OTOA: variants seen among roughly 807,000 people sequenced by gnomAD.
OTOA encodes the protein otoancorin.
A neutral mutation model predicts 110.8 loss-of-function variants in OTOA; 70 were observed. The ratio of observed to expected loss-of-function variants is 0.63; its 90% CI spans 0.52 to 0.77. OTOA has a LOEUF of 0.77. OTOA is among the 30% of genes least tolerant of loss of function. OTOA has a pLI of 0.00. For missense variants in OTOA, 917 were observed against 1,075.8 expected (o/e 0.85, Z 2.06); for synonymous variants, 373 against 431.5 (o/e 0.86, Z 1.68).
rs191530356 is a variant in OTOA, at chr16:21,716,779, A to G, written c.1489-128A>G. The G allele has an allele frequency of 4.8e-6, 5 of 1,052,406 alleles. No individual in the cohort carries two copies. The Admixed American group carries it at 8.7e-5, about 18-fold the overall frequency. The allele number at this position is 1,052,406 out of a possible 1,614,324, so 65.2% of individuals were successfully genotyped here. On this transcript the variant is annotated intron_variant, in intron 14 of 28. Transcript: ENST00000646100. The stretch of plus-strand genomic sequence containing the variant: ...TCACCTGTGAAATGGGGATGATGCT[A>G]CTCTCCACTTCCTAGGGTTGCTGAG...
chr16:21,682,685 T>C (rs182112735), intron 6 of OTOA, among the ~76,000 whole-genome samples: 2 of 152,220 alleles, frequency 1.3e-5, no homozygotes, highest in Admixed American at 1.3e-4. Context: ...ACACAGAAAA[T>C]TGGAGAAAAA....
chr16:21,685,886 C>T (rs550231190), intron 7 of OTOA, among the ~76,000 whole-genome samples: 10 of 152,038 alleles, frequency 6.6e-5, no homozygotes, highest in Non-Finnish European at 1.3e-4. Flanking sequence ...TAAGAAATGA[C>T]GGGTCCTAAT....
At position 21,743,780 on chromosome 16, in the gene OTOA, T is replaced by C. The variant is rs1387090503; in HGVS notation, c.2620-1101T>C. Among the ~76,000 whole-genome samples, 233 of 116,846 alleles carry C rather than the reference T, an allele frequency of 2.0e-3. 1 individual carries two copies. The highest frequency in any genetic ancestry group is 0.014 in the Middle Eastern group (3 of 210). 76.7% of individuals were successfully genotyped at this position (116,846 alleles called of 152,430 possible). A position where few individuals can be genotyped will look rare whatever the true frequency, so the allele number is the denominator to read the frequency against. ...AATTTTTCTTTTGTGAATTCCTTGT[T>C]GATGTCTTTTGTCTATCTTTTTTTT... is the stretch of plus-strand genomic sequence containing the variant. On this transcript the variant is annotated intron_variant, in intron 23 of 28. Transcript: ENST00000646100.
intron 15 of OTOA, 90 bp from the exon 16 acceptor site, chr16:21,719,043 G>A: frequency 7.8e-7 from 1 of 1,277,862 alleles, no homozygotes; most frequent in Non-Finnish European, 1.1e-6. Flanking sequence ...CTGTAAAATG[G>A]GATTGTGGAA....
chr16:21,695,395 T>A (rs1897912593), intron 9 of OTOA, among the ~76,000 whole-genome samples: 1 of 151,794 alleles, frequency 6.6e-6, no homozygotes, highest in Non-Finnish European at 1.5e-5. Flanking sequence ...AATCCCAAGC[T>A]TGGGGATGAT....
chr16:21,713,861 C>A (rs571235690), intron 13 of OTOA, among the ~76,000 whole-genome samples: 1 of 152,278 alleles, frequency 6.6e-6, no homozygotes, highest in East Asian at 1.9e-4. Flanking sequence ...TTGACTGGGG[C>A]TCCATGGGTC....
At chr16:21,689,300 C>T (rs993713623) in intron 8 of OTOA, among the ~76,000 whole-genome samples, 10 of 152,076 alleles carry the variant, frequency 6.6e-5, no homozygotes, top group African/African-American at 2.4e-4. Context: ...GTATGCTGAC[C>T]TCATCGTTTC....
intron 1 of OTOA, among the ~76,000 whole-genome samples, chr16:21,670,725 A>T (rs1271252116): frequency 6.6e-6 from 1 of 152,182 alleles, no homozygotes; most frequent in Non-Finnish European, 1.5e-5. Context: ...CACAAACATA[A>T]ATATGTATTA....
intron 22 of OTOA, 74 bp downstream of exon 22, chr16:21,736,464 G>A: frequency 6.5e-7 from 1 of 1,547,992 alleles, no homozygotes; most frequent in Non-Finnish European, 8.9e-7. Flanking sequence ...CTGACATCAA[G>A]AGGCCTCCTT....
In OTOA at chr16:21,736,379, A is replaced by T; in HGVS notation, c.2420A>T (p.Asp807Val). The T allele has an allele frequency of 6.2e-7, 1 of 1,614,122 alleles. No individual in the cohort carries two copies. Among genetic ancestry groups the T allele is most frequent in the Non-Finnish European group, 8.5e-7 (1 of 1,180,014 alleles). ...RNSSDKIPSY[D>V]PMPGCHGVVA... is the part of the protein sequence containing the mutation. Reference sequence around the variant, plus strand: ...AGCAGTGATAAGATCCCCAGCTATGACCCTATGCCTGGTGAGTGTTTTCAG... The same window carrying T: ...AGCAGTGATAAGATCCCCAGCTATGTCCCTATGCCTGGTGAGTGTTTTCAG... Residue 807 changes from aspartate (D) to valine (V), a missense_variant, in exon 22 of 29, where the codon GAC becomes GTC. Physicochemically the swap from Asp to Val is radical, Grantham distance 152. Transcript: ENST00000646100.
intron 5 of OTOA, among the ~76,000 whole-genome samples, chr16:21,680,184 TATCCATCCATCC>T (rs60446298): frequency 6.7e-6 from 1 of 150,060 alleles, no homozygotes; most frequent in South Asian, 2.1e-4. Context: ...TTTATTAATT[TATCCATCCATCC>T]ATCCATCCAT....
intron 9 of OTOA, among the ~76,000 whole-genome samples, chr16:21,695,685 G>A (rs1179004111): frequency 1.3e-5 from 2 of 151,322 alleles, no homozygotes; most frequent in South Asian, 2.1e-4. Context: ...CATTGCCCAC[G>A]GCTTCTGCAA....
chr16:21,713,200 A>G (rs1353086634), intron 13 of OTOA, among the ~76,000 whole-genome samples: 27 of 152,180 alleles, frequency 1.8e-4, no homozygotes. Flanking sequence ...CCTGGGCTCA[A>G]GCAATCTACT....
chr16:21,688,375 T>C (rs1897761699), intron 8 of OTOA, among the ~76,000 whole-genome samples: 1 of 151,342 alleles, frequency 6.6e-6, no homozygotes, highest in Admixed American at 6.6e-5. Context: ...GGCGACAGAG[T>C]GAGACTCCAT....
intron 20 of OTOA, 87 bp from the exon 21 acceptor site, chr16:21,730,750 C>A (rs1899089311): frequency 4.2e-6 from 4 of 960,900 alleles, no homozygotes; most frequent in South Asian, 2.7e-5. Flanking sequence ...ACAATCTATT[C>A]CTGAAAGAAA....
chr16:21,759,477 T>C (rs1192817338), intron 28 of OTOA, among the ~76,000 whole-genome samples: 2 of 151,880 alleles, frequency 1.3e-5, no homozygotes, highest in East Asian at 1.9e-4. Flanking sequence ...TTTCTATTTT[T>C]TTTTTTTTTT....
intron 17 of OTOA, among the ~76,000 whole-genome samples, chr16:21,721,948 G>A (rs1386996752): frequency 6.6e-6 from 1 of 151,686 alleles, no homozygotes; most frequent in Non-Finnish European, 1.5e-5. Context: ...AGTGGGCCGG[G>A]CACAGTGGCT....
chr16:21,683,244 G>A (rs1200591051), intron 6 of OTOA, among the ~76,000 whole-genome samples: 3 of 152,138 alleles, frequency 2.0e-5, no homozygotes, highest in Non-Finnish European at 2.9e-5. Flanking sequence ...ATAATAGCTG[G>A]CACTATTGAG....
intron 8 of OTOA, 72 bp from the exon 9 acceptor site, chr16:21,691,512 T>C: frequency 4.8e-6 from 6 of 1,255,172 alleles, no homozygotes; most frequent in Non-Finnish European, 7.0e-6. Flanking sequence ...TCACATTTGC[T>C]GTTGTGACTC....
Sources: gnomAD v4.1 joint callset for allele counts (sites outside exome capture counted in the v4.1 genomes callset) on GRCh38, gnomAD v4.1.1 for gene constraint, MANE v1.5 for transcripts, NCBI Gene and HGNC (gene_info 2026-07-23, HGNC 2026-07-21) for gene names.